MAF: variants seen among roughly 807,000 people sequenced by gnomAD.
MAF encodes the protein MAF bZIP transcription factor.
In MAF, 10 loss-of-function variants were observed where a neutral mutation model predicts 22.0. That is an observed-to-expected ratio of 0.45 (90% CI 0.28 to 0.77). MAF has a LOEUF of 0.77. Among genes scored for constraint, MAF ranks in the 30% least tolerant of loss-of-function variants. MAF has a pLI of 0.12. For synonymous variants in MAF, 337 were observed against 255.8 expected (o/e 1.32, Z -3.03); for missense variants, 544 against 548.4 (o/e 0.99, Z 0.08).
the MAF span, among the ~76,000 whole-genome samples, chr16:79,433,561 GA>G: frequency 6.6e-6 from 1 of 151,908 alleles, no homozygotes; most frequent in Non-Finnish European, 1.5e-5. Flanking sequence ...ATAATGGACA[GA>G]AGAACTAGAT....
the MAF span, among the ~76,000 whole-genome samples, chr16:79,478,783 C>T: frequency 6.0e-5 from 9 of 149,576 alleles, no homozygotes; most frequent in East Asian, 1.2e-3. Context: ...CCAGCATACC[C>T]GTATACCATC....
At chr16:79,498,621 G>C in the MAF span, among the ~76,000 whole-genome samples, 4 of 152,226 alleles carry the variant, frequency 2.6e-5, no homozygotes, top group African/African-American at 9.6e-5. Flanking sequence ...CTATTAGTAC[G>C]CCCATTATGC....
At chr16:79,373,484 G>C in the MAF span, among the ~76,000 whole-genome samples, 3 of 142,932 alleles carry the variant, frequency 2.1e-5, no homozygotes, top group Middle Eastern at 3.9e-3. Context: ...CTGGGTTCAA[G>C]CGACTCTCCT....
the MAF span, among the ~76,000 whole-genome samples, chr16:79,245,633 G>A: frequency 6.6e-6 from 1 of 152,064 alleles, no homozygotes; most frequent in African/African-American, 2.4e-5. Context: ...TTCAACCATT[G>A]TGGAAGACAG....
chr16:79,532,984 C>A, the MAF span, among the ~76,000 whole-genome samples: 1 of 152,192 alleles, frequency 6.6e-6, no homozygotes, highest in Non-Finnish European at 1.5e-5. Flanking sequence ...ACATAACCTC[C>A]TGGCCTCTAA....
the MAF span, among the ~76,000 whole-genome samples, chr16:79,261,628 G>A: frequency 5.9e-5 from 9 of 152,304 alleles, no homozygotes; most frequent in South Asian, 1.9e-3. Flanking sequence ...TTAGAAGGAG[G>A]CCAGGGACAC....
At chr16:79,299,568 G>GAGTTAT in the MAF span, among the ~76,000 whole-genome samples, 36 of 152,238 alleles carry the variant, frequency 2.4e-4, no homozygotes, top group East Asian at 5.8e-3. Context: ...GTTATTTCCG[G>GAGTTAT]TGGGTCTGCC....
chr16:79,558,818 T>C, the MAF span, among the ~76,000 whole-genome samples: 5 of 152,224 alleles, frequency 3.3e-5, no homozygotes, highest in Non-Finnish European at 1.5e-5. Context: ...TTTAGCCTAG[T>C]TCTCATTTGA....
the MAF span, among the ~76,000 whole-genome samples, chr16:79,261,146 G>GTATTTATT: frequency 1.7e-4 from 26 of 151,722 alleles, no homozygotes; most frequent in East Asian, 7.8e-4. Flanking sequence ...GCTCCCATGG[G>GTATTTATT]TATTTATTTA....
At chr16:79,549,350 C>G in the MAF span, among the ~76,000 whole-genome samples, 1 of 152,168 alleles carries the variant, frequency 6.6e-6, no homozygotes, top group African/African-American at 2.4e-5. Context: ...GGTCAGAACA[C>G]CTAACATCAG....
chr16:79,580,896 C>T (rs940528383), downstream of MAF, among the ~76,000 whole-genome samples: 3 of 151,998 alleles, frequency 2.0e-5, no homozygotes, highest in African/African-American at 7.3e-5. Context: ...AGCCTTTGAG[C>T]GTTGGGAGAG....
the MAF span, among the ~76,000 whole-genome samples, chr16:79,464,248 T>C: frequency 1.3e-5 from 2 of 152,108 alleles, no homozygotes; most frequent in Non-Finnish European, 2.9e-5. Context: ...CTCAGATGAC[T>C]CCAGAGGCCA....
chr16:79,384,133 A>G, the MAF span, among the ~76,000 whole-genome samples: 1 of 152,126 alleles, frequency 6.6e-6, no homozygotes, highest in African/African-American at 2.4e-5. Flanking sequence ...AAAGTATTCT[A>G]TTTAAGCATT....
chr16:79,306,051 G>A, the MAF span, among the ~76,000 whole-genome samples: 1 of 152,316 alleles, frequency 6.6e-6, no homozygotes, highest in South Asian at 2.1e-4. Flanking sequence ...AATTGACTGA[G>A]ACCAAGTCAT....
At chr16:79,234,594 C>T in the MAF span, among the ~76,000 whole-genome samples, 1 of 152,090 alleles carries the variant, frequency 6.6e-6, no homozygotes, top group Non-Finnish European at 1.5e-5. Flanking sequence ...GGCTTCAGGA[C>T]CTCCCAAAGA....
the MAF span, among the ~76,000 whole-genome samples, chr16:79,351,709 G>T: frequency 1.3e-5 from 2 of 151,786 alleles, no homozygotes; most frequent in South Asian, 2.1e-4. Context: ...CAACCAGAAA[G>T]CCCATTGCCC....
chr16:79,367,521 G>T, the MAF span, among the ~76,000 whole-genome samples: 1 of 152,170 alleles, frequency 6.6e-6, no homozygotes, highest in Admixed American at 6.5e-5. Context: ...CTTGTCAAGT[G>T]GTGGTTCTTG....
At chr16:79,520,665 C>G in the MAF span, among the ~76,000 whole-genome samples, 1 of 152,202 alleles carries the variant, frequency 6.6e-6, no homozygotes, top group Admixed American at 6.5e-5. Context: ...AAAAAAAGCA[C>G]TGGCTTTGGG....
At chr16:79,559,935 G>A in the MAF span, among the ~76,000 whole-genome samples, 1 of 152,126 alleles carries the variant, frequency 6.6e-6, no homozygotes, top group Non-Finnish European at 1.5e-5. Flanking sequence ...ACAGGGTCTG[G>A]CTCTGTCATC....
Sources: allele counts gnomAD v4.1 joint callset (sites outside exome capture counted in the v4.1 genomes callset), GRCh38; gene constraint gnomAD v4.1.1; transcripts MANE v1.5; gene names NCBI Gene and HGNC (gene_info 2026-07-23, HGNC 2026-07-21).